The following SORCS2 variants were observed in gnomAD, a reference collection of about 807,000 sequenced individuals.
SORCS2 encodes sortilin related VPS10 domain containing receptor 2.
Under a neutral mutation model 141.6 loss-of-function variants are expected in SORCS2, and 100 were observed. The ratio of observed to expected loss-of-function variants is 0.71; its 90% CI spans 0.60 to 0.83. The LOEUF (loss-of-function observed/expected upper bound fraction) is 0.83. Among genes scored for constraint, SORCS2 ranks in the 40% least tolerant of loss-of-function variants. SORCS2 has a pLI of 0.00. For missense variants in SORCS2, 1,646 were observed against 1,560.2 expected, an observed-to-expected ratio of 1.05 and a Z score of -0.93; for synonymous variants, 789 against 676.9, an observed-to-expected ratio of 1.17 and a Z score of -2.57.
chr4:7,401,354 G>A (rs569823546), intron 2 of SORCS2, among the ~76,000 whole-genome samples: 1 of 152,186 alleles, frequency 6.6e-6, no homozygotes, highest in East Asian at 1.9e-4. Context: ...TGGACTGATG[G>A]ATGGACAGAT....
chr4:7,521,333 C>T (rs1327684631), intron 2 of SORCS2, among the ~76,000 whole-genome samples: 1 of 152,208 alleles, frequency 6.6e-6, no homozygotes, highest in Non-Finnish European at 1.5e-5. Context: ...TCGTCCCTAA[C>T]ACTGGGCACC....
chr4:7,400,514 C>T (rs77576060), intron 2 of SORCS2, among the ~76,000 whole-genome samples: 5 of 151,934 alleles, frequency 3.3e-5, no homozygotes, highest in Admixed American at 6.6e-5. Context: ...GTTGAGGATG[C>T]GAGGATGGAG....
At chr4:7,665,624 C>A (rs1193723908) in intron 7 of SORCS2, among the ~76,000 whole-genome samples, 2 of 152,142 alleles carry the variant, frequency 1.3e-5, no homozygotes, top group Non-Finnish European at 2.9e-5. Flanking sequence ...CCATCACAGT[C>A]CAGGCCCCAC....
At chr4:7,619,958 G>A (rs896201667) in intron 3 of SORCS2, among the ~76,000 whole-genome samples, 4 of 152,082 alleles carry the variant, frequency 2.6e-5, no homozygotes, top group African/African-American at 7.2e-5. Context: ...CCAGGCACCT[G>A]GTCTCGCTCA....
In SORCS2 at chr4:7,715,067, T is replaced by C. The variant is rs914840350; in HGVS notation, c.2124-116T>C. The C allele has an allele frequency of 7.1e-6, 10 of 1,417,554 alleles. No homozygotes were observed. In the South Asian group the frequency reaches 1.2e-4, roughly 16 times the overall value. The allele number at this position is 1,417,554 out of a possible 1,614,324, so 87.8% of individuals were successfully genotyped here. A position where few individuals can be genotyped will look rare whatever the true frequency, so the allele number is the denominator to read the frequency against. ...CTTGATGTCCTCACAGATGGGTGCA[T>C]AGCAGGCCCTTGACATGAGGTTCCC... is the stretch of plus-strand genomic sequence containing the variant. On this transcript the variant is annotated intron_variant, in intron 16 of 26. Coordinates refer to ENST00000507866, the MANE Select transcript of SORCS2 (RefSeq NM_020777.3).
intron 1 of SORCS2, among the ~76,000 whole-genome samples, chr4:7,369,294 G>C (rs1223960183): frequency 1.3e-5 from 2 of 152,204 alleles, no homozygotes; most frequent in African/African-American, 2.4e-5. Flanking sequence ...CTGAGCAACA[G>C]AGCCAGACTC....
chr4:7,235,537 G>A (rs1712207152), intron 1 of SORCS2, among the ~76,000 whole-genome samples: 1 of 152,252 alleles, frequency 6.6e-6, no homozygotes, highest in Non-Finnish European at 1.5e-5. Context: ...CAGAGCGGGT[G>A]GATGGGGAGC....
chr4:7,319,603 A>G (rs951642429), intron 1 of SORCS2, among the ~76,000 whole-genome samples: 2 of 152,056 alleles, frequency 1.3e-5, no homozygotes, highest in Non-Finnish European at 2.9e-5. Context: ...GGTCCTAGCT[A>G]CTCTGGAGGC....
intron 3 of SORCS2, among the ~76,000 whole-genome samples, chr4:7,537,481 A>C (rs971099655): frequency 6.6e-6 from 1 of 152,188 alleles, no homozygotes; most frequent in African/African-American, 2.4e-5. Context: ...AATGGGGGTG[A>C]GACCCTACTA....
In SORCS2 at chr4:7,552,316, T is replaced by C. The variant is rs1713772884; in HGVS notation, c.648+20687T>C. Reference sequence around the variant, plus strand: ...CTGGTCATGGCTGGAAGAGAAAGAATCCCAGGAAGGTGTCTCTGTCCCCTG... The same window carrying C: ...CTGGTCATGGCTGGAAGAGAAAGAACCCCAGGAAGGTGTCTCTGTCCCCTG... On this transcript the variant is annotated intron_variant, in intron 3 of 26. Coordinates refer to ENST00000507866, the MANE Select transcript of SORCS2 (RefSeq NM_020777.3). Among the ~76,000 whole-genome samples, 6 of 152,070 alleles carry C rather than the reference T, an allele frequency of 3.9e-5. No individual in the cohort carries two copies. The South Asian group carries it at 1.2e-3, about 32-fold the overall frequency.
At chr4:7,245,960 G>C (rs1421032850) in intron 1 of SORCS2, among the ~76,000 whole-genome samples, 1 of 152,184 alleles carries the variant, frequency 6.6e-6, no homozygotes, top group African/African-American at 2.4e-5. Context: ...GACTGGCGGC[G>C]TTTGGTACCC....
At chr4:7,392,004 G>C (rs966853613) in intron 1 of SORCS2, among the ~76,000 whole-genome samples, 5 of 152,156 alleles carry the variant, frequency 3.3e-5, no homozygotes, top group African/African-American at 1.2e-4. Flanking sequence ...TTATTTACAG[G>C]GTTCAGCACA....
chr4:7,370,014 G>T (rs1266350130), intron 1 of SORCS2, among the ~76,000 whole-genome samples: 2 of 152,212 alleles, frequency 1.3e-5, no homozygotes, highest in Non-Finnish European at 2.9e-5. Flanking sequence ...CGATAAAATA[G>T]AGATAAGAAG....
intron 1 of SORCS2, among the ~76,000 whole-genome samples, chr4:7,197,500 T>TGG (rs1387001982): frequency 6.6e-6 from 1 of 151,998 alleles, no homozygotes; most frequent in Non-Finnish European, 1.5e-5. Flanking sequence ...ATAATGCTGA[T>TGG]GGGGAAATCA....
At chr4:7,671,993 G>C (rs1234382172) in intron 8 of SORCS2, among the ~76,000 whole-genome samples, 2 of 150,194 alleles carry the variant, frequency 1.3e-5, no homozygotes, top group Admixed American at 6.6e-5. Context: ...ACCCAGGCTG[G>C]AGTTCAGTGG....
At chr4:7,269,761 C>G (rs566780868) in intron 1 of SORCS2, among the ~76,000 whole-genome samples, 4 of 152,220 alleles carry the variant, frequency 2.6e-5, no homozygotes, top group Non-Finnish European at 5.9e-5. Context: ...CCCAGTGATA[C>G]TGATTTGGGA....
intron 1 of SORCS2, among the ~76,000 whole-genome samples, chr4:7,302,380 C>T (rs76439584): frequency 6.6e-6 from 1 of 152,226 alleles, no homozygotes; most frequent in Admixed American, 6.5e-5. Context: ...ACCGGATCCT[C>T]CATGCTGGTC....
chr4:7,461,759 T>C (rs748240046), intron 2 of SORCS2, among the ~76,000 whole-genome samples: 2 of 152,114 alleles, frequency 1.3e-5, no homozygotes, highest in Non-Finnish European at 2.9e-5. Flanking sequence ...GCCTCACCTC[T>C]GACCCCTTCT....
intron 1 of SORCS2, among the ~76,000 whole-genome samples, chr4:7,370,338 C>G (rs1384076374): frequency 6.6e-6 from 1 of 152,198 alleles, no homozygotes; most frequent in Non-Finnish European, 1.5e-5. Flanking sequence ...CAGAGGAGAT[C>G]TGGGCCCCTG....
Sources: gnomAD v4.1 joint callset for allele counts (sites outside exome capture counted in the v4.1 genomes callset) on GRCh38, gnomAD v4.1.1 for gene constraint, MANE v1.5 for transcripts, NCBI Gene and HGNC (gene_info 2026-07-23, HGNC 2026-07-21) for gene names.